FOXP1: variants seen among roughly 807,000 people sequenced by gnomAD.
The protein encoded by FOXP1 is forkhead box protein P1.
Under a neutral mutation model 98.2 loss-of-function variants are expected in FOXP1, and 15 were observed. That is an observed-to-expected ratio of 0.15 (90% confidence interval 0.10 to 0.24). FOXP1 has a LOEUF of 0.24. Among genes scored for constraint, FOXP1 ranks in the 10% least tolerant of loss-of-function variants. The pLI, the probability that FOXP1 is intolerant of heterozygous loss-of-function variation, is 1.00. For synonymous variants in FOXP1, 371 were observed against 314.5 expected, an observed-to-expected ratio of 1.18 and a Z score of -1.90; for missense variants, 633 against 848.5, an observed-to-expected ratio of 0.75 and a Z score of 3.15.
intron 6 of FOXP1, among the ~76,000 whole-genome samples, chr3:71,135,009 A>G (rs932631390): frequency 6.6e-6 from 1 of 152,204 alleles, no homozygotes; most frequent in African/African-American, 2.4e-5. Flanking sequence ...CTGTAATCCC[A>G]GCACTTTGGG....
At chr3:71,501,296 T>C (rs373932609) in intron 2 of FOXP1, among the ~76,000 whole-genome samples, 1 of 82,980 alleles carries the variant, frequency 1.2e-5, no homozygotes, top group South Asian at 2.8e-4. Flanking sequence ...TGCTTTTCTT[T>C]TTTTTTTTTT....
intron 11 of FOXP1, among the ~76,000 whole-genome samples, chr3:71,027,619 G>A (rs980940190): frequency 3.9e-5 from 6 of 152,082 alleles, no homozygotes; most frequent in African/African-American, 1.4e-4. Flanking sequence ...TCTTAGATCA[G>A]TCTCCAAAAC....
intron 5 of FOXP1, among the ~76,000 whole-genome samples, chr3:71,230,848 G>C (rs1205987654): frequency 1.3e-5 from 2 of 152,168 alleles, no homozygotes; most frequent in Non-Finnish European, 2.9e-5. Context: ...CTGTAGGAGG[G>C]GGGTGGTGGC....
At chr3:71,385,916 T>C (rs2080538766) in intron 3 of FOXP1, among the ~76,000 whole-genome samples, 1 of 152,200 alleles carries the variant, frequency 6.6e-6, no homozygotes, top group African/African-American at 2.4e-5. Context: ...TAGTTCAATG[T>C]GTATTTCATC....
intron 6 of FOXP1, among the ~76,000 whole-genome samples, chr3:71,183,948 TTC>T (rs1458576133): frequency 6.6e-6 from 1 of 152,156 alleles, no homozygotes; most frequent in African/African-American, 2.4e-5. Context: ...AGGTTGGGAC[TTC>T]GAGACCAGCC....
At chr3:71,463,727 C>A (rs767355185) in intron 3 of FOXP1, among the ~76,000 whole-genome samples, 3 of 152,156 alleles carry the variant, frequency 2.0e-5, no homozygotes, top group Non-Finnish European at 4.4e-5. Context: ...ATCATGACTG[C>A]GTCTTGACCC....
chr3:71,551,655 C>G (rs763200636), intron 2 of FOXP1, among the ~76,000 whole-genome samples: 1 of 152,132 alleles, frequency 6.6e-6, no homozygotes, highest in Non-Finnish European at 1.5e-5. Context: ...CATTTCTATT[C>G]AAAAACCAAT....
chr3:71,212,570 C>A (rs1055251571), intron 5 of FOXP1, among the ~76,000 whole-genome samples: 1 of 152,174 alleles, frequency 6.6e-6, no homozygotes, highest in African/African-American at 2.4e-5. Flanking sequence ...TTTTCTCACA[C>A]CATCAAAAAA....
intron 2 of FOXP1, among the ~76,000 whole-genome samples, chr3:71,539,256 C>G (rs2044587698): frequency 7.0e-6 from 1 of 141,864 alleles, no homozygotes; most frequent in East Asian, 1.9e-4. Context: ...GGACTACAGG[C>G]ACCTGCCACC....
intron 2 of FOXP1, among the ~76,000 whole-genome samples, chr3:71,516,770 C>T (rs1399960154): frequency 1.3e-5 from 2 of 152,150 alleles, no homozygotes; most frequent in Non-Finnish European, 2.9e-5. Context: ...CGCTTGAACT[C>T]GGGAGGCAGA....
intron 13 of FOXP1, among the ~76,000 whole-genome samples, chr3:70,992,607 T>C (rs971086267): frequency 6.6e-6 from 1 of 152,132 alleles, no homozygotes; most frequent in African/African-American, 2.4e-5. Flanking sequence ...GTGGGCAATA[T>C]ATGGCTCATT....
At chr3:71,131,180 C>T (rs762327310) in intron 6 of FOXP1, among the ~76,000 whole-genome samples, 4 of 152,054 alleles carry the variant, frequency 2.6e-5, no homozygotes, top group Non-Finnish European at 5.9e-5. Flanking sequence ...ACTGGCTGTC[C>T]TTTACATTTT....
intron 3 of FOXP1, among the ~76,000 whole-genome samples, chr3:71,465,653 G>A (rs1231085407): frequency 6.6e-6 from 1 of 152,142 alleles, no homozygotes; most frequent in African/African-American, 2.4e-5. Flanking sequence ...TGTTGTCTTA[G>A]CACAGTGGAG....
At chr3:71,058,870 T>A (rs530356312) in intron 7 of FOXP1, among the ~76,000 whole-genome samples, 15 of 151,736 alleles carry the variant, frequency 9.9e-5, no homozygotes, top group Admixed American at 2.0e-4. Context: ...ACTTCTGATA[T>A]AATATTTCGG....
intron 2 of FOXP1, among the ~76,000 whole-genome samples, chr3:71,544,273 C>A (rs1195512037): frequency 3.3e-5 from 5 of 149,800 alleles, no homozygotes; most frequent in South Asian, 2.1e-4. Flanking sequence ...GTATTTATTT[C>A]TTTTAATAAT....
intron 3 of FOXP1, among the ~76,000 whole-genome samples, chr3:71,477,906 A>T (rs1019163759): frequency 6.6e-6 from 1 of 152,242 alleles, no homozygotes; most frequent in Non-Finnish European, 1.5e-5. Flanking sequence ...ACAAGACAAG[A>T]AACATTTGGC....
chr3:71,180,335 A>G (rs1241719135), intron 6 of FOXP1, among the ~76,000 whole-genome samples: 2 of 152,176 alleles, frequency 1.3e-5, no homozygotes, highest in Non-Finnish European at 2.9e-5. Context: ...GTAGTATATA[A>G]TTATTTGCTG....
chr3:71,426,722 T>C (rs1317783107), intron 3 of FOXP1, among the ~76,000 whole-genome samples: 3 of 152,184 alleles, frequency 2.0e-5, no homozygotes, highest in African/African-American at 4.8e-5. Context: ...AATTACCTTC[T>C]TGGGAAGTCC....
chr3:71,110,248 A>G (rs553732062), intron 7 of FOXP1, among the ~76,000 whole-genome samples: 5 of 152,210 alleles, frequency 3.3e-5, no homozygotes, highest in Non-Finnish European at 5.9e-5. Flanking sequence ...TAAAAATGCC[A>G]TATGTTTTTA....
Sources: allele counts gnomAD v4.1 joint callset (sites outside exome capture counted in the v4.1 genomes callset), GRCh38; gene constraint gnomAD v4.1.1; transcripts MANE v1.5; gene names NCBI Gene and HGNC (gene_info 2026-07-23, HGNC 2026-07-21).